RAD54L2: variants seen among roughly 807,000 people sequenced by gnomAD.
RAD54L2 encodes helicase ARIP4.
A neutral mutation model predicts 138.4 loss-of-function variants in RAD54L2; 27 were observed. The observed-to-expected ratio is 0.20, with a 90% CI of 0.14 to 0.27. RAD54L2 has a LOEUF of 0.27. RAD54L2 is among the 10% of genes least tolerant of loss of function. RAD54L2 has a pLI of 1.00. For synonymous variants in RAD54L2, 644 were observed against 723.2 expected (o/e 0.89, Z 1.76); for missense variants, 1,396 against 1,890.2 (o/e 0.74, Z 4.85).
At chr3:51,602,615 G>C (rs1382305097) in intron 3 of RAD54L2, among the ~76,000 whole-genome samples, 1 of 152,174 alleles carries the variant, frequency 6.6e-6, no homozygotes, top group Non-Finnish European at 1.5e-5. Context: ...GTCTCAAACA[G>C]ACCAGGGGGC....
At chr3:51,618,291 A>G (rs1185185357) in intron 3 of RAD54L2, among the ~76,000 whole-genome samples, 2 of 151,968 alleles carry the variant, frequency 1.3e-5, no homozygotes, top group East Asian at 3.9e-4. Context: ...CCAGATTGTG[A>G]CTTGATTTTC....
Position 51,638,007 on chromosome 3 carries a change from A to G in RAD54L2, c.1683-137A>G. ...CTTCTTGGTTGTTGAACCACTCTGC[A>G]TTATTGCAAGGCTGCAGTGCATGTT... On this transcript the variant is annotated intron_variant, in intron 11 of 22. Coordinates refer to ENST00000684192, the MANE Select transcript of RAD54L2 (RefSeq NM_015106.4). This position sits in a 1 kb window ranked among gnomAD's most constrained non-coding sequence, Gnocchi z 4.3. The G allele has an allele frequency of 1.3e-6, 1 of 790,088 alleles. No individual in the cohort carries two copies. Among genetic ancestry groups the G allele is most frequent in the Non-Finnish European group, 2.0e-6 (1 of 499,334 alleles). The allele number at this position is 790,088 out of a possible 1,614,324, so 48.9% of individuals were successfully genotyped here.
chr3:51,628,491 G>A (rs575261455), intron 4 of RAD54L2, among the ~76,000 whole-genome samples: 1 of 152,052 alleles, frequency 6.6e-6, no homozygotes, highest in East Asian at 1.9e-4. Flanking sequence ...CCGTGTTCTA[G>A]CGGTTCTTGT....
At position 51,665,085 on chromosome 3, in the gene RAD54L2, C is replaced by T. The variant is rs1319827943; in HGVS notation, c.*1665C>T. On this transcript the variant is annotated 3_prime_UTR_variant, in exon 23 of 23. Coordinates refer to ENST00000684192, the MANE Select transcript of RAD54L2 (RefSeq NM_015106.4). ...AGAACACACCAGTCATTCTGGGTCT[C>T]CCCTTATTGCCATTGCCAGGGGAGG... is the stretch of plus-strand genomic sequence containing the variant. The T allele has an allele frequency of 6.6e-6, 1 of 152,146 alleles. No individual in the cohort carries two copies. Among genetic ancestry groups the T allele is most frequent in the Non-Finnish European group, 1.5e-5 (1 of 68,032 alleles). The allele number at this position is 152,146 out of a possible 1,614,324, so 9.4% of individuals were successfully genotyped here.
intron 7 of RAD54L2, among the ~76,000 whole-genome samples, chr3:51,632,938 G>A (rs1267073165): frequency 6.6e-6 from 1 of 151,578 alleles, no homozygotes; most frequent in Non-Finnish European, 1.5e-5. Flanking sequence ...ACTTCTATGT[G>A]GCTGGGCACA....
intron 3 of RAD54L2, among the ~76,000 whole-genome samples, chr3:51,621,951 G>A (rs1456855484): frequency 1.3e-5 from 2 of 152,142 alleles, no homozygotes; most frequent in Non-Finnish European, 2.9e-5. Flanking sequence ...GGAATTTGAT[G>A]GCCTCCCCTT....
intron 2 of RAD54L2, among the ~76,000 whole-genome samples, chr3:51,554,266 C>T (rs942141807): frequency 6.6e-6 from 1 of 151,760 alleles, no homozygotes. Context: ...ATTCTGGAGG[C>T]TGAGGCAGGA....
chr3:51,620,932 C>T (rs1304915533), intron 3 of RAD54L2, among the ~76,000 whole-genome samples: 1 of 151,266 alleles, frequency 6.6e-6, no homozygotes, highest in African/African-American at 2.4e-5. Context: ...GGGTTATAGT[C>T]TAGAATCTGG....
chr3:51,643,780 A>G (rs74968615), intron 15 of RAD54L2, 95 bp from the exon 16 acceptor site: 276 of 947,238 alleles, frequency 2.9e-4, no homozygotes, highest in Non-Finnish European at 4.4e-4. Context: ...TTGTATTTCT[A>G]TTTGTTTTGC....
intron 3 of RAD54L2, among the ~76,000 whole-genome samples, chr3:51,602,393 G>A (rs1045538876): frequency 1.3e-5 from 2 of 152,100 alleles, no homozygotes; most frequent in South Asian, 2.1e-4. Flanking sequence ...AGTGAATAAG[G>A]TTATTCATCT....
chr3:51,623,746 C>T (rs541516232), intron 3 of RAD54L2, among the ~76,000 whole-genome samples: 27 of 151,698 alleles, frequency 1.8e-4, no homozygotes, highest in Non-Finnish European at 3.4e-4. Flanking sequence ...GAGGCTGAGG[C>T]GGGTGGATCA....
At chr3:51,556,931 A>T (rs900921387) in intron 2 of RAD54L2, among the ~76,000 whole-genome samples, 7 of 152,000 alleles carry the variant, frequency 4.6e-5, no homozygotes, top group African/African-American at 1.4e-4. Flanking sequence ...CTCCTGAGCA[A>T]TATCTCTGAG....
chr3:51,653,494 C>T (rs1231280042), intron 19 of RAD54L2, among the ~76,000 whole-genome samples: 8 of 152,120 alleles, frequency 5.3e-5, no homozygotes, highest in Admixed American at 2.6e-4. Flanking sequence ...ATGTTTATTG[C>T]GGCACTATTC....
chr3:51,652,391 C>T lies in RAD54L2; in HGVS notation c.3027-3580C>T, dbSNP rs146068252. On this transcript the variant is annotated intron_variant, in intron 19 of 22. Coordinates refer to ENST00000684192, the MANE Select transcript of RAD54L2 (RefSeq NM_015106.4). ...TTTATAGATTCAATGCCATCCCCAT[C>T]AAGCTACCAACGACTTTCTTCACAG... 7.0e-3 allele frequency among the ~76,000 whole-genome samples: 1,063 copies of T among 152,338 alleles called. 15 individuals carry two copies. The highest frequency in any genetic ancestry group is 0.033 in the South Asian group (159 of 4,818).
chr3:51,540,635 T>G (rs1297317945), intron 1 of RAD54L2, among the ~76,000 whole-genome samples: 1 of 151,702 alleles, frequency 6.6e-6, no homozygotes, highest in Non-Finnish European at 1.5e-5. Flanking sequence ...CTAACTGGAG[T>G]CTAGTATAAA....
rs1005451766 is a variant in RAD54L2, at chr3:51,590,475, C to T, written c.55C>T (p.Leu19=). The change falls in exon 3 of 23, where the codon CTG becomes TTG. Residue 19 remains leucine, a synonymous_variant. Coordinates refer to ENST00000684192, the MANE Select transcript of RAD54L2 (RefSeq NM_015106.4). The stretch of plus-strand genomic sequence containing the variant: ...TCCAGACCTGGACCCGGACGTGGAG[C>T]TGGAGGATGCGGAAGAGGAGGAGGA... ...SDPDLDPDVE[L]EDAEEEEEEE... 22 of 1,551,676 alleles carry T rather than the reference C, an allele frequency of 1.4e-5. No individual in the cohort carries two copies. The highest frequency in any genetic ancestry group is 1.9e-5 in the Non-Finnish European group (22 of 1,146,916).
chr3:51,566,749 C>A (rs540719678), intron 2 of RAD54L2, among the ~76,000 whole-genome samples: 1 of 152,002 alleles, frequency 6.6e-6, no homozygotes, highest in Non-Finnish European at 1.5e-5. Flanking sequence ...TCTCACATGG[C>A]CTGGGTTGAG....
intron 19 of RAD54L2, among the ~76,000 whole-genome samples, chr3:51,654,033 C>T (rs1701528676): frequency 6.6e-6 from 1 of 152,024 alleles, no homozygotes; most frequent in African/African-American, 2.4e-5. Context: ...AAGACATTGA[C>T]TTTTATGAGT....
At chr3:51,634,732 T>C (rs886513723) in intron 9 of RAD54L2, among the ~76,000 whole-genome samples, 1 of 152,236 alleles carries the variant, frequency 6.6e-6, no homozygotes, top group Admixed American at 6.5e-5. Context: ...CATTAGTCAC[T>C]TCTTTTAAGC....
Sources: gnomAD v4.1 joint callset for allele counts (sites outside exome capture counted in the v4.1 genomes callset) on GRCh38, gnomAD v4.1.1 for gene constraint, Gnocchi (gnomAD v3.1) non-coding constraint, MANE v1.5 for transcripts, NCBI Gene and HGNC (gene_info 2026-07-23, HGNC 2026-07-21) for gene names.